SNTG2: variants seen among roughly 807,000 people sequenced by gnomAD.
The protein encoded by SNTG2 is gamma-2-syntrophin.
SNTG2 carries 74 observed loss-of-function variants against 70.9 expected under a neutral mutation model. The observed-to-expected ratio is 1.04, with a 90% CI of 0.86 to 1.27. The LOEUF is 1.27. Among genes scored for constraint, SNTG2 ranks in the 50% most tolerant of loss-of-function variants. The probability of loss-of-function intolerance (pLI) is 0.00; values close to 1 mark genes in which losing one functional copy is unlikely to be tolerated. For synonymous variants in SNTG2, 278 were observed against 273.8 expected, an observed-to-expected ratio of 1.02 and a Z score of -0.15; for missense variants, 717 against 690.7, an observed-to-expected ratio of 1.04 and a Z score of -0.43.
chr2:1,201,073 T>C (rs1406638008), intron 8 of SNTG2, among the ~76,000 whole-genome samples: 1 of 151,994 alleles, frequency 6.6e-6, no homozygotes, highest in Non-Finnish European at 1.5e-5. Flanking sequence ...AGGAAATCAG[T>C]ATATCAAAGG....
chr2:1,265,393 T>C (rs1678669036), intron 13 of SNTG2, among the ~76,000 whole-genome samples: 1 of 152,214 alleles, frequency 6.6e-6, no homozygotes, highest in South Asian at 2.1e-4. Context: ...CACATGTTCA[T>C]GTGTGCACAC....
At chr2:1,019,890 A>G (rs1660064593) in intron 1 of SNTG2, among the ~76,000 whole-genome samples, 1 of 152,116 alleles carries the variant, frequency 6.6e-6, no homozygotes, top group Non-Finnish European at 1.5e-5. Context: ...AAAAAAAAGA[A>G]AAATTAGCCG....
chr2:1,162,673 G>A (rs116699184), intron 6 of SNTG2, among the ~76,000 whole-genome samples: 317 of 152,190 alleles, frequency 2.1e-3, no homozygotes, highest in Non-Finnish European at 3.8e-3. Context: ...GAAGGGTGTC[G>A]TCGCCGTCAT....
At chr2:1,080,403 C>G (rs1397657472) in intron 1 of SNTG2, among the ~76,000 whole-genome samples, 1 of 152,186 alleles carries the variant, frequency 6.6e-6, no homozygotes, top group African/African-American at 2.4e-5. Context: ...CAGGCTTGGT[C>G]TGTATCAGCT....
At chr2:1,349,369 G>C (rs1660461699) in intron 16 of SNTG2, among the ~76,000 whole-genome samples, 1 of 152,246 alleles carries the variant, frequency 6.6e-6, no homozygotes, top group Non-Finnish European at 1.5e-5. Flanking sequence ...CTCCTGAGCA[G>C]TAAGCAAGTT....
chr2:1,060,572 G>C (rs145926272), intron 1 of SNTG2, among the ~76,000 whole-genome samples: 10 of 152,198 alleles, frequency 6.6e-5, no homozygotes, highest in African/African-American at 1.4e-4. Context: ...TTAAGTATAA[G>C]GTTCATCTGG....
intron 1 of SNTG2, among the ~76,000 whole-genome samples, chr2:1,000,325 C>G (rs1661824519): frequency 6.6e-6 from 1 of 151,642 alleles, no homozygotes; most frequent in Non-Finnish European, 1.5e-5. Flanking sequence ...TCATACAAAG[C>G]ATCATCAAAA....
At chr2:1,030,487 A>G (rs1660754121) in intron 1 of SNTG2, among the ~76,000 whole-genome samples, 1 of 152,204 alleles carries the variant, frequency 6.6e-6, no homozygotes, top group South Asian at 2.1e-4. Flanking sequence ...GGCTGCTCAC[A>G]TGTGCAGCTG....
chr2:986,751 T>G (rs1056832282), intron 1 of SNTG2, among the ~76,000 whole-genome samples: 54 of 152,220 alleles, frequency 3.5e-4, no homozygotes, highest in Non-Finnish European at 1.2e-4. Context: ...AAAGATAAAA[T>G]GTAGCAGTGT....
chr2:1,057,973 G>A (rs1329059656), intron 1 of SNTG2, among the ~76,000 whole-genome samples: 2 of 152,168 alleles, frequency 1.3e-5, no homozygotes, highest in Admixed American at 1.3e-4. Context: ...GCTGCAGTGA[G>A]CTGAGATGGC....
rs1451065290 is a variant in SNTG2 at position 1,283,501 on chromosome 2, C to G, written c.1284+15930C>G. ...GCACCTGCAGGGCATCCAGAGCTGC[C>G]TGGACAGGGCCCACAGTCCCCTCCT... On this transcript the variant is annotated intron_variant, in intron 14 of 16. Coordinates refer to ENST00000308624, the MANE Select transcript of SNTG2 (RefSeq NM_018968.4). Among the ~76,000 whole-genome samples, 4 of 152,312 alleles carry G rather than the reference C, an allele frequency of 2.6e-5. No homozygotes were observed. The East Asian group carries it at 5.8e-4, about 22-fold the overall frequency.
chr2:1,081,969 T>C (rs1664346902), intron 1 of SNTG2, among the ~76,000 whole-genome samples: 2 of 152,352 alleles, frequency 1.3e-5, no homozygotes, highest in East Asian at 1.9e-4. Context: ...CCAGATGCAA[T>C]GCAGTGGGGC....
chr2:1,266,079 A>G (rs1482361557), intron 13 of SNTG2, among the ~76,000 whole-genome samples: 2 of 152,066 alleles, frequency 1.3e-5, no homozygotes, highest in East Asian at 3.9e-4. Flanking sequence ...AAGGATAGAG[A>G]GAGACAGAGA....
intron 8 of SNTG2, among the ~76,000 whole-genome samples, chr2:1,188,257 C>A (rs1388346328): frequency 6.6e-6 from 1 of 151,528 alleles, no homozygotes; most frequent in Non-Finnish European, 1.5e-5. Context: ...CATAGTTGAC[C>A]AGTAAAGATA....
chr2:1,021,865 G>C lies in SNTG2; in HGVS notation c.73-61653G>C, dbSNP rs569171010. Among the ~76,000 whole-genome samples the C allele has an allele frequency of 6.0e-5, 9 of 150,064 alleles. No individual in the cohort carries two copies. The East Asian group carries it at 1.8e-3, about 29-fold the overall frequency. ...ACTCCTGGCCTCAAGTCATCCTCCT[G>C]CCTTGGCCTCCCAAAGTGCTGCAAT... On this transcript the variant is annotated intron_variant, in intron 1 of 16. Coordinates refer to ENST00000308624, the MANE Select transcript of SNTG2 (RefSeq NM_018968.4).
At chr2:1,063,148 C>T (rs1338208928) in intron 1 of SNTG2, among the ~76,000 whole-genome samples, 1 of 152,180 alleles carries the variant, frequency 6.6e-6, no homozygotes, top group Non-Finnish European at 1.5e-5. Flanking sequence ...TCTTTAAAAT[C>T]TATGCAAGAG....
chr2:1,025,912 C>T (rs898480657), intron 1 of SNTG2, among the ~76,000 whole-genome samples: 6 of 152,176 alleles, frequency 3.9e-5, no homozygotes, highest in African/African-American at 1.2e-4. Context: ...ACTGGTCAAC[C>T]GCATTTGAGA....
At chr2:1,012,685 G>T (rs866235015) in intron 1 of SNTG2, among the ~76,000 whole-genome samples, 186 of 115,264 alleles carry the variant, frequency 1.6e-3, no homozygotes, top group Non-Finnish European at 2.1e-3. Flanking sequence ...GGGTGGTCTG[G>T]AGAAGGATTT....
intron 4 of SNTG2, among the ~76,000 whole-genome samples, chr2:1,124,130 T>C (rs532335369): frequency 4.5e-5 from 5 of 111,758 alleles, no homozygotes; most frequent in African/African-American, 1.2e-4. Flanking sequence ...TTGTTTTCAT[T>C]ATAAAAACAT....
Sources: allele counts gnomAD v4.1 joint callset (sites outside exome capture counted in the v4.1 genomes callset), GRCh38; gene constraint gnomAD v4.1.1; transcripts MANE v1.5; gene names NCBI Gene and HGNC (gene_info 2026-07-23, HGNC 2026-07-21).